The following VTI1A variants were observed in gnomAD, a reference collection of about 807,000 sequenced individuals.
VTI1A encodes vesicle transport through interaction with t-SNAREs homolog 1A.
VTI1A carries 22 observed loss-of-function variants against 34.9 expected under a neutral mutation model. That is an observed-to-expected ratio of 0.63 (90% CI 0.45 to 0.90). The LOEUF is 0.90. Among genes scored for constraint, VTI1A ranks in the 40% least tolerant of loss-of-function variants. The probability of loss-of-function intolerance (pLI) is 0.00; values close to 1 mark genes in which losing one functional copy is unlikely to be tolerated. For missense variants in VTI1A, 268 were observed against 275.6 expected (o/e 0.97, Z 0.20); for synonymous variants, 87 against 97.3 (o/e 0.89, Z 0.62).
chr10:112,517,826 C>G (rs917195633), intron 3 of VTI1A, among the ~76,000 whole-genome samples: 13 of 151,970 alleles, frequency 8.6e-5, no homozygotes, highest in Admixed American at 3.9e-4. Context: ...GTCTGAGAAA[C>G]TACTACAGCC....
intron 5 of VTI1A, among the ~76,000 whole-genome samples, chr10:112,594,087 A>G (rs997957831): frequency 2.6e-5 from 4 of 151,722 alleles, no homozygotes; most frequent in African/African-American, 9.7e-5. Context: ...TTTTTTTTGT[A>G]TTTTTAGTAG....
At chr10:112,461,341 T>G (rs889627453) in intron 2 of VTI1A, among the ~76,000 whole-genome samples, 3 of 152,174 alleles carry the variant, frequency 2.0e-5, no homozygotes, top group African/African-American at 7.2e-5. Context: ...GAAAAATGGC[T>G]CAGACAGAGT....
intron 5 of VTI1A, among the ~76,000 whole-genome samples, chr10:112,568,171 T>C (rs1391997322): frequency 1.3e-5 from 2 of 150,884 alleles, no homozygotes; most frequent in Non-Finnish European, 3.0e-5. Context: ...AAAAAATAAG[T>C]TTGTGGTCTC....
chr10:112,779,468 G>A (rs1852049658), intron 7 of VTI1A, among the ~76,000 whole-genome samples: 1 of 152,166 alleles, frequency 6.6e-6, no homozygotes, highest in Admixed American at 6.5e-5. Flanking sequence ...CTACATAAGA[G>A]AGATTGTCCT....
chr10:112,782,597 G>C (rs1852166309), intron 7 of VTI1A, among the ~76,000 whole-genome samples: 1 of 152,186 alleles, frequency 6.6e-6, no homozygotes, highest in Non-Finnish European at 1.5e-5. Context: ...AATTATAGTG[G>C]GGCTGTTCGA....
intron 5 of VTI1A, among the ~76,000 whole-genome samples, chr10:112,589,943 A>G (rs1262715469): frequency 6.6e-6 from 1 of 152,136 alleles, no homozygotes; most frequent in Non-Finnish European, 1.5e-5. Flanking sequence ...AAAGTTGATG[A>G]TTTATAGTTT....
intron 7 of VTI1A, among the ~76,000 whole-genome samples, chr10:112,707,932 A>T (rs1042362049): frequency 1.3e-5 from 2 of 152,356 alleles, no homozygotes; most frequent in East Asian, 3.9e-4. Flanking sequence ...AACATCAAAC[A>T]AAATTAGCAG....
chr10:112,490,822 A>G (rs919713090), intron 3 of VTI1A, among the ~76,000 whole-genome samples: 8 of 152,118 alleles, frequency 5.3e-5, no homozygotes, highest in African/African-American at 9.7e-5. Flanking sequence ...GGAGGTGACA[A>G]AATTTTTGCT....
At chr10:112,615,294 T>C (rs1845475305) in intron 5 of VTI1A, among the ~76,000 whole-genome samples, 1 of 152,230 alleles carries the variant, frequency 6.6e-6, no homozygotes, top group Non-Finnish European at 1.5e-5. Context: ...TGGAGAGATT[T>C]CCATCTGGAA....
intron 7 of VTI1A, chr10:112,737,048 G>A (rs570341620): frequency 2.3e-6 from 1 of 437,348 alleles, no homozygotes; most frequent in South Asian, 5.6e-5. Flanking sequence ...ATTACATAGT[G>A]GACAATTTTT....
chr10:112,523,100 A>G (rs1850088551), intron 3 of VTI1A, among the ~76,000 whole-genome samples: 1 of 152,200 alleles, frequency 6.6e-6, no homozygotes, highest in African/African-American at 2.4e-5. Flanking sequence ...AGTTTAAGCT[A>G]AGTTAATTCG....
chr10:112,503,132 C>T (rs1186252067), intron 3 of VTI1A, among the ~76,000 whole-genome samples: 1 of 152,090 alleles, frequency 6.6e-6, no homozygotes, highest in East Asian at 1.9e-4. Flanking sequence ...TCTAATTATT[C>T]TCTTGTGGTA....
the VTI1A span, among the ~76,000 whole-genome samples, chr10:112,844,088 T>C: frequency 3.9e-5 from 6 of 151,928 alleles, no homozygotes; most frequent in Non-Finnish European, 7.4e-5. Context: ...TGGCTTAAGA[T>C]GTCATCTGAA....
chr10:112,453,544 T>A (rs1462824501), intron 1 of VTI1A, among the ~76,000 whole-genome samples: 2 of 152,256 alleles, frequency 1.3e-5, no homozygotes, highest in East Asian at 3.8e-4. Flanking sequence ...TTATCCTTTG[T>A]GTTATATTCC....
chr10:112,483,989 T>A (rs1469123874), intron 3 of VTI1A, among the ~76,000 whole-genome samples: 1 of 152,250 alleles, frequency 6.6e-6, no homozygotes, highest in East Asian at 1.9e-4. Context: ...TCATGCTCCG[T>A]TATAGCATTT....
At chr10:112,543,586 G>A (rs1345801980) in intron 5 of VTI1A, among the ~76,000 whole-genome samples, 1 of 152,108 alleles carries the variant, frequency 6.6e-6, no homozygotes, top group Admixed American at 6.5e-5. Context: ...TTAGCCCTTT[G>A]TCAGATGGGT....
At chr10:112,548,955 T>C (rs1851241202) in intron 5 of VTI1A, 1 of 686,950 alleles carries the variant, frequency 1.5e-6, no homozygotes, top group East Asian at 2.7e-5. Flanking sequence ...CATAATTATA[T>C]CTTTCTTTCT....
At chr10:112,845,077 A>T in the VTI1A span, among the ~76,000 whole-genome samples, 1 of 152,160 alleles carries the variant, frequency 6.6e-6, no homozygotes, top group South Asian at 2.1e-4. Context: ...CGGGAAGAGG[A>T]CAAGTTCATT....
intron 7 of VTI1A, among the ~76,000 whole-genome samples, chr10:112,682,746 C>T (rs1248527867): frequency 6.6e-6 from 1 of 152,198 alleles, no homozygotes; most frequent in Non-Finnish European, 1.5e-5. Context: ...ACAGCTTTCC[C>T]TGGCTGGAGC....
Sources: allele counts gnomAD v4.1 joint callset (sites outside exome capture counted in the v4.1 genomes callset), GRCh38; gene constraint gnomAD v4.1.1; transcripts MANE v1.5; gene names NCBI Gene and HGNC (gene_info 2026-07-23, HGNC 2026-07-21).